Variants in CSNK2B observed in about 807,000 individuals in gnomAD.
CSNK2B encodes the protein casein kinase 2 beta.
Under a neutral mutation model 28.8 loss-of-function variants are expected in CSNK2B, and 2 were observed. That is an observed-to-expected ratio of 0.07 (90% CI 0.03 to 0.22). CSNK2B has a LOEUF of 0.22. Ranked by LOEUF, CSNK2B falls within the 10% of genes least tolerant of loss-of-function variation. The pLI is 1.00. For synonymous variants in CSNK2B, 89 were observed against 96.1 expected (o/e 0.93, Z 0.43); for missense variants, 107 against 277.9 (o/e 0.39, Z 4.37).
chr6:31,666,465 G>T, intron 1 of CSNK2B: 1 of 292,338 alleles, frequency 3.4e-6, no homozygotes, highest in African/African-American at 2.2e-5. Context: ...AAAGGCGTGG[G>T]GGTCATGCAG....
chr6:31,669,574 CAG>C lies in CSNK2B; in HGVS notation c.557+67_557+68del. On this transcript the variant is annotated intron_variant, in intron 6 of 6. Transcript: ENST00000375882. This position sits in a 1 kb window ranked among gnomAD's most constrained non-coding sequence, Gnocchi z 4.8. ...CCAAGATCCCCCAGAGAGGGGAGGA[CAG>C]GGCATGGCCCTTTCTTGAGGTCTGC... 6.6e-7 allele frequency: 1 copy of C among 1,523,466 alleles called. No individual in the cohort carries two copies. The highest frequency in any genetic ancestry group is 8.9e-7 in the Non-Finnish European group (1 of 1,127,518). 94.4% of individuals were successfully genotyped at this position (1,523,466 alleles called of 1,614,324 possible). A position where few individuals can be genotyped will look rare whatever the true frequency, so the allele number is the denominator to read the frequency against.
chr6:31,666,970 A>T (rs1258195223), intron 2 of CSNK2B, 67 bp downstream of exon 2: 2 of 1,280,134 alleles, frequency 1.6e-6, no homozygotes, highest in African/African-American at 2.9e-5. Context: ...TCCTTCACAT[A>T]TTCCACTTCT....
intron 1 of CSNK2B, 62 bp downstream of exon 1, chr6:31,666,270 C>T: frequency 3.4e-6 from 3 of 873,586 alleles, no homozygotes; most frequent in Non-Finnish European, 4.1e-6. Context: ...ATGGGGTCTC[C>T]GGACTTTGAT....
intron 2 of CSNK2B, 125 bp downstream of exon 2, chr6:31,667,028 T>G: frequency 1.1e-6 from 1 of 870,276 alleles, no homozygotes; most frequent in Non-Finnish European, 1.9e-6. Flanking sequence ...CAGCAAAGAG[T>G]CCCCCCTATA....
chr6:31,667,800 A>G, intron 2 of CSNK2B, 68 bp from the exon 3 acceptor site: 2 of 819,502 alleles, frequency 2.4e-6, no homozygotes, highest in Non-Finnish European at 3.8e-6. Flanking sequence ...CATCACTTAG[A>G]GCATTTTGCC....
intron 4 of CSNK2B, 76 bp downstream of exon 4, chr6:31,668,730 T>G (rs773837940): frequency 2.9e-6 from 4 of 1,366,374 alleles, no homozygotes; most frequent in East Asian, 2.3e-5. Flanking sequence ...AAGTCATGTT[T>G]AAGCCCTGTT....
rs143237802 is a variant in CSNK2B at position 31,669,413 on chromosome 6, G to A, written c.462G>A (p.Thr154=). 2.7e-5 allele frequency: 44 copies of A among 1,614,132 alleles called. No homozygotes were observed. The highest frequency in any genetic ancestry group is 2.4e-4 in the African/African-American group (18 of 75,040). The change falls in exon 6 of 7, where the codon ACG becomes ACA. Residue 154 remains threonine (T), a synonymous_variant. Transcript: ENST00000375882. The surrounding 1 kb of genome is among the most constrained non-coding windows in gnomAD (Gnocchi z 4.8). The stretch of plus-strand genomic sequence containing the variant: ...CCAAGTCATCAAGACACCATCACAC[G>A]GATGGCGCCTACTTCGGCACTGGTT... ...YTPKSSRHHH[T]DGAYFGTGFP...
chr6:31,669,777 A>T lies in CSNK2B; in HGVS notation c.558-59A>T. 6.9e-7 allele frequency: 1 copy of T among 1,440,818 alleles called. No individual in the cohort carries two copies. The highest frequency in any genetic ancestry group is 9.5e-7 in the Non-Finnish European group (1 of 1,047,492). 89.3% of individuals were successfully genotyped at this position (1,440,818 alleles called of 1,614,324 possible). ...AGGTGGGGAGGTGGGAATGCAGGTGACTGGCAGGGCCTGGATGGGGCTCAT... is the reference window on the plus strand; with the variant it reads ...AGGTGGGGAGGTGGGAATGCAGGTGTCTGGCAGGGCCTGGATGGGGCTCAT... On this transcript the variant is annotated intron_variant, in intron 6 of 6. Coordinates refer to ENST00000375882, the MANE Select transcript of CSNK2B (RefSeq NM_001320.7). The surrounding 1 kb of genome is among the most constrained non-coding windows in gnomAD (Gnocchi z 4.8).
At position 31,669,810 on chromosome 6, in the gene CSNK2B, C is replaced by T; in HGVS notation, c.558-26C>T. ...GGCCTGGATGGGGCTCATGCTGCTG[C>T]CTCTCTGACCTCTGCCCTGGCCTAG... is the stretch of plus-strand genomic sequence containing the variant. On this transcript the variant is annotated intron_variant, in intron 6 of 6. Transcript: ENST00000375882. The surrounding 1 kb of genome is among the most constrained non-coding windows in gnomAD (Gnocchi z 4.8). 1 of 1,589,248 alleles carries T rather than the reference C, an allele frequency of 6.3e-7. No individual in the cohort carries two copies. The highest frequency in any genetic ancestry group is 8.6e-7 in the Non-Finnish European group (1 of 1,166,064).
At chr6:31,667,013 C>G in intron 2 of CSNK2B, 110 bp downstream of exon 2, 1 of 971,490 alleles carries the variant, frequency 1.0e-6, no homozygotes, top group Non-Finnish European at 1.6e-6. Flanking sequence ...TTGAAAACTT[C>G]CTATCAGCAA....
intron 1 of CSNK2B, chr6:31,666,482 GT>G: frequency 2.6e-6 from 1 of 381,008 alleles, no homozygotes; most frequent in East Asian, 5.1e-5. Flanking sequence ...GCAGAGACTT[GT>G]ATTGGTAGGG....
rs1444110965 is a variant in CSNK2B, at chr6:31,666,098, C to T, written c.-122C>T. ...CCTCCCTAATTTCCACTCCCCCCACCCCACTTCGCCTGCCGCGGTCGGGTC... is the reference window on the plus strand; with the variant it reads ...CCTCCCTAATTTCCACTCCCCCCACTCCACTTCGCCTGCCGCGGTCGGGTC... On this transcript the variant is annotated 5_prime_UTR_variant, in exon 1 of 7. Transcript: ENST00000375882. 3 of 993,814 alleles carry T rather than the reference C, an allele frequency of 3.0e-6. No individual in the cohort carries two copies. The highest frequency in any genetic ancestry group is 3.6e-6 in the Non-Finnish European group (3 of 833,618). The allele number at this position is 993,814 out of a possible 1,614,324, so 61.6% of individuals were successfully genotyped here. A position where few individuals can be genotyped will look rare whatever the true frequency, so the allele number is the denominator to read the frequency against.
In CSNK2B at chr6:31,666,125, G is replaced by C; in HGVS notation, c.-95G>C. The stretch of plus-strand genomic sequence containing the variant: ...CACTTCGCCTGCCGCGGTCGGGTCC[G>C]CGGCCTGCGCTGTAGCGGTCGCCGC... On this transcript the variant is annotated 5_prime_UTR_variant, in exon 1 of 7. Transcript: ENST00000375882. 1 of 993,312 alleles carries C rather than the reference G, an allele frequency of 1.0e-6. No homozygotes were observed. The highest frequency in any genetic ancestry group is 1.2e-6 in the Non-Finnish European group (1 of 833,556). The allele number at this position is 993,312 out of a possible 1,614,324, so 61.5% of individuals were successfully genotyped here.
rs1417713586 is a variant in CSNK2B at position 31,669,259 on chromosome 6, G to C, written c.368-60G>C. The C allele has an allele frequency of 6.2e-7, 1 of 1,602,094 alleles. No homozygotes were observed. Among genetic ancestry groups the C allele is most frequent in the Non-Finnish European group, 8.5e-7 (1 of 1,170,130 alleles). On this transcript the variant is annotated intron_variant, in intron 5 of 6. Transcript: ENST00000375882. This position sits in a 1 kb window ranked among gnomAD's most constrained non-coding sequence, Gnocchi z 4.8. ...CTCAACACATTGGAGCCTGAGTCCT[G>C]AGGGGAGGTTAGGTAGGAATAGGGG...
rs2151188615 is a variant in CSNK2B at position 31,669,264 on chromosome 6, G to A, written c.368-55G>A. 1.9e-6 allele frequency: 3 copies of A among 1,602,316 alleles called. No individual in the cohort carries two copies. The highest frequency in any genetic ancestry group is 2.6e-6 in the Non-Finnish European group (3 of 1,170,372). ...CACATTGGAGCCTGAGTCCTGAGGG[G>A]AGGTTAGGTAGGAATAGGGGGATAC... On this transcript the variant is annotated intron_variant, in intron 5 of 6. Transcript: ENST00000375882. The surrounding 1 kb of genome is among the most constrained non-coding windows in gnomAD (Gnocchi z 4.8).
intron 4 of CSNK2B, 156 bp downstream of exon 4, chr6:31,668,810 G>T: frequency 1.5e-6 from 1 of 687,376 alleles, no homozygotes; most frequent in Non-Finnish European, 2.5e-6. Flanking sequence ...CTGATTGGGG[G>T]TCATCCTGAA....
At chr6:31,668,405 G>T in intron 3 of CSNK2B, 134 bp from the exon 4 acceptor site, 1 of 693,398 alleles carries the variant, frequency 1.4e-6, no homozygotes. Context: ...TGGGTCCCAT[G>T]CCCAGATGTT....
Position 31,669,756 on chromosome 6 carries a change from G to T in CSNK2B, c.558-80G>T, listed in dbSNP as rs1036464827. The stretch of plus-strand genomic sequence containing the variant: ...AGCAGGTCCATAGAGGAGCTCAGGT[G>T]GGGAGGTGGGAATGCAGGTGACTGG... On this transcript the variant is annotated intron_variant, in intron 6 of 6. Coordinates refer to ENST00000375882, the MANE Select transcript of CSNK2B (RefSeq NM_001320.7). The surrounding 1 kb of genome is among the most constrained non-coding windows in gnomAD (Gnocchi z 4.8). 1 of 1,271,264 alleles carries T rather than the reference G, an allele frequency of 7.9e-7. No individual in the cohort carries two copies. Among genetic ancestry groups the T allele is most frequent in the African/African-American group, 1.5e-5 (1 of 67,254 alleles). 78.7% of individuals were successfully genotyped at this position (1,271,264 alleles called of 1,614,324 possible).
chr6:31,669,341 A>G lies in CSNK2B; in HGVS notation c.390A>G (p.Glu130=). ...CAGGCCTTTCAGACATCCCAGGTGAAGCCATGGTGAAGCTCTACTGCCCCA... is the reference window on the plus strand; with the variant it reads ...CAGGCCTTTCAGACATCCCAGGTGAGGCCATGGTGAAGCTCTACTGCCCCA... ...LPIGLSDIPG[E]AMVKLYCPKC... The change falls in exon 6 of 7, where the codon GAA becomes GAG. Residue 130 remains glutamate (E), a synonymous_variant. Coordinates refer to ENST00000375882, the MANE Select transcript of CSNK2B (RefSeq NM_001320.7). This position sits in a 1 kb window ranked among gnomAD's most constrained non-coding sequence, Gnocchi z 4.8. 6.2e-7 allele frequency: 1 copy of G among 1,613,068 alleles called. No individual in the cohort carries two copies. The highest frequency in any genetic ancestry group is 8.5e-7 in the Non-Finnish European group (1 of 1,179,208).
Sources: gnomAD v4.1 joint callset for allele counts on GRCh38, gnomAD v4.1.1 for gene constraint, Gnocchi (gnomAD v3.1) non-coding constraint, MANE v1.5 for transcripts, NCBI Gene and HGNC (gene_info 2026-07-23, HGNC 2026-07-21) for gene names.